The following GPAT3 variants were observed in gnomAD, a reference collection of about 807,000 sequenced individuals.
GPAT3 encodes 1-AGP acyltransferase 9.
In GPAT3, 53 loss-of-function variants were observed where a neutral mutation model predicts 58.8. That is an observed-to-expected ratio of 0.90 (90% CI 0.72 to 1.13). The LOEUF (loss-of-function observed/expected upper bound fraction) is 1.13, where lower values mean the gene tolerates loss of function less well. Among genes scored for constraint, GPAT3 ranks in the 50% most tolerant of loss-of-function variants. GPAT3 has a pLI of 0.00. For missense variants in GPAT3, 511 were observed against 527.6 expected (o/e 0.97, Z 0.31); for synonymous variants, 197 against 187.4 (o/e 1.05, Z -0.42).
intron 1 of GPAT3, among the ~76,000 whole-genome samples, chr4:83,537,625 G>GTATA (rs59505718): frequency 0.019 from 2,762 of 147,640 alleles, 33 homozygotes; most frequent in Admixed American, 0.027. Flanking sequence ...GTGTGTGTGT[G>GTATA]TATATTTAAC....
chr4:83,566,247 C>A (rs1032218159), intron 2 of GPAT3, among the ~76,000 whole-genome samples: 2 of 152,078 alleles, frequency 1.3e-5, no homozygotes, highest in Non-Finnish European at 2.9e-5. Flanking sequence ...CCATGTTGAC[C>A]AGGCTGGTCT....
intron 2 of GPAT3, among the ~76,000 whole-genome samples, chr4:83,551,621 G>A (rs1724753498): frequency 6.6e-6 from 1 of 151,784 alleles, no homozygotes; most frequent in Non-Finnish European, 1.5e-5. Flanking sequence ...GTGAAACCCG[G>A]TCTCTACTAA....
At chr4:83,539,652 T>C (rs1318536943) in intron 1 of GPAT3, among the ~76,000 whole-genome samples, 1 of 152,210 alleles carries the variant, frequency 6.6e-6, no homozygotes, top group Non-Finnish European at 1.5e-5. Flanking sequence ...CTACTTCTAT[T>C]TTCTTCTGCA....
rs755596111 is a variant in GPAT3, at chr4:83,544,535, G to A, written c.142-1G>A. On this transcript the variant is annotated splice_acceptor_variant, in intron 1 of 11. Coordinates refer to ENST00000264409, the MANE Select transcript of GPAT3 (RefSeq NM_032717.5). LOFTEE classifies it high-confidence loss of function. Reference sequence around the variant, plus strand: ...AATTAATATTTCTTGTTTTTGAACAGTGGGCCACAATACGAATTGAAAAAG... The same window carrying A: ...AATTAATATTTCTTGTTTTTGAACAATGGGCCACAATACGAATTGAAAAAG... 10 of 1,613,736 alleles carry A rather than the reference G, an allele frequency of 6.2e-6. No homozygotes were observed. The highest frequency in any genetic ancestry group is 8.5e-6 in the Non-Finnish European group (10 of 1,179,824).
At chr4:83,602,738 T>C (rs751939645) in intron 11 of GPAT3, among the ~76,000 whole-genome samples, 9 of 152,216 alleles carry the variant, frequency 5.9e-5, no homozygotes, top group Admixed American at 1.3e-4. Context: ...GTTTTGGGCT[T>C]GGATCTTGTG....
chr4:83,596,881 A>G lies in GPAT3; in HGVS notation c.878A>G (p.Lys293Arg). 1 of 1,602,130 alleles carries G rather than the reference A, an allele frequency of 6.2e-7. No homozygotes were observed. Among genetic ancestry groups the G allele is most frequent in the Non-Finnish European group, 8.5e-7 (1 of 1,177,236 alleles). The change falls in exon 8 of 12, where the codon AAG becomes AGG. Residue 293 changes from lysine (K) to arginine (R), a missense_variant. Transcript: ENST00000264409. The stretch of plus-strand genomic sequence containing the variant: ...AGACTAAAAGAACATATTGCTGATA[A>G]GAAGAAACTACCCATACTAATTTTT... The part of the protein sequence containing the change: ...TKRLKEHIAD[K>R]KKLPILIFPE...
chr4:83,600,491 A>C (rs1321889535), intron 11 of GPAT3, among the ~76,000 whole-genome samples: 7 of 138,394 alleles, frequency 5.1e-5, no homozygotes, highest in Non-Finnish European at 6.4e-5. Context: ...CCTACATTAT[A>C]ATGGGGGATT....
chr4:83,580,533 T>C (rs1029705088), intron 2 of GPAT3, among the ~76,000 whole-genome samples: 30 of 152,210 alleles, frequency 2.0e-4, no homozygotes, highest in African/African-American at 7.2e-4. Context: ...CAAAACTATC[T>C]TCAGTCTTTT....
intron 2 of GPAT3, among the ~76,000 whole-genome samples, chr4:83,576,269 C>T (rs1725809944): frequency 2.0e-5 from 3 of 152,132 alleles, no homozygotes; most frequent in Admixed American, 2.0e-4. Flanking sequence ...TTTGCTAATG[C>T]AAACAATGTG....
intron 2 of GPAT3, among the ~76,000 whole-genome samples, chr4:83,555,875 G>A (rs995110486): frequency 7.2e-5 from 11 of 152,142 alleles, no homozygotes; most frequent in Non-Finnish European, 1.5e-4. Flanking sequence ...AGCTGGTGTC[G>A]AAGAATTGTT....
chr4:83,565,582 T>C (rs1410504492), intron 2 of GPAT3, among the ~76,000 whole-genome samples: 1 of 151,672 alleles, frequency 6.6e-6, no homozygotes. Flanking sequence ...CACCACAACC[T>C]CCGCCTCTAG....
intron 2 of GPAT3, among the ~76,000 whole-genome samples, chr4:83,547,246 C>CTTTTTTT (rs10618385): frequency 2.3e-4 from 19 of 82,206 alleles, no homozygotes; most frequent in African/African-American, 5.2e-4. Flanking sequence ...TTCTACTGCT[C>CTTTTTTT]TTTTTTTTTT....
chr4:83,578,963 T>TCTTTCTTG lies in GPAT3; in HGVS notation c.209-2592_209-2591insGCTTTCTT, dbSNP rs1560620653. ...TTTTCTTTTCTTTTCTTTCTTTCTT[T>TCTTTCTTG]CTTTCTTTCTTTCTTTCTTTCTTTC... is the stretch of plus-strand genomic sequence containing the variant. On this transcript the variant is annotated intron_variant, in intron 2 of 11. Transcript: ENST00000264409. Among the ~76,000 whole-genome samples, 544 of 123,088 alleles carry TCTTTCTTG rather than the reference T, an allele frequency of 4.4e-3. 35 individuals are homozygous for TCTTTCTTG. Among genetic ancestry groups the TCTTTCTTG allele is most frequent in the African/African-American group, 0.018 (512 of 28,704 alleles). The allele number at this position is 123,088 out of a possible 152,430, so 80.8% of individuals were successfully genotyped here.
chr4:83,560,076 TCA>T (rs1725078216), intron 2 of GPAT3, among the ~76,000 whole-genome samples: 5 of 152,164 alleles, frequency 3.3e-5, no homozygotes, highest in Admixed American at 2.6e-4. Flanking sequence ...TGGACCCCCT[TCA>T]CTGACTTTTC....
At chr4:83,549,097 T>G (rs989578172) in intron 2 of GPAT3, among the ~76,000 whole-genome samples, 1 of 150,652 alleles carries the variant, frequency 6.6e-6, no homozygotes, top group Admixed American at 6.6e-5. Context: ...TACTCCCAGA[T>G]ACTTGAGAGG....
chr4:83,577,424 G>A (rs564556425), intron 2 of GPAT3, among the ~76,000 whole-genome samples: 2 of 152,298 alleles, frequency 1.3e-5, no homozygotes, highest in South Asian at 4.1e-4. Context: ...GGTTAAATAA[G>A]TGAATCTCTG....
intron 3 of GPAT3, among the ~76,000 whole-genome samples, chr4:83,586,719 A>G (rs1369697615): frequency 6.6e-6 from 1 of 152,222 alleles, no homozygotes; most frequent in African/African-American, 2.4e-5. Context: ...CACTTTTCAA[A>G]AAGAAGGCAA....
At chr4:83,541,659 C>A (rs1439319559) in intron 1 of GPAT3, among the ~76,000 whole-genome samples, 1 of 152,154 alleles carries the variant, frequency 6.6e-6, no homozygotes, top group African/African-American at 2.4e-5. Flanking sequence ...TTGAGCAGAT[C>A]ATGCTATTTG....
intron 2 of GPAT3, among the ~76,000 whole-genome samples, chr4:83,548,917 C>G (rs11731336): frequency 0.14 from 20,868 of 152,156 alleles, 1,594 homozygotes; most frequent in East Asian, 0.31. Flanking sequence ...ACATGGCCCT[C>G]TAATTTTACT....
Sources: gnomAD v4.1 joint callset for allele counts (sites outside exome capture counted in the v4.1 genomes callset) on GRCh38, gnomAD v4.1.1 for gene constraint, MANE v1.5 for transcripts, NCBI Gene and HGNC (gene_info 2026-07-23, HGNC 2026-07-21) for gene names.